SLC4A4: variants seen among roughly 807,000 people sequenced by gnomAD.
The protein encoded by SLC4A4 is solute carrier family 4 member 4.
SLC4A4 carries 27 observed loss-of-function variants against 111.5 expected under a neutral mutation model. The ratio of observed to expected loss-of-function variants is 0.24; its 90% confidence interval spans 0.18 to 0.33. The LOEUF (loss-of-function observed/expected upper bound fraction) is 0.33. SLC4A4 is among the 10% of genes least tolerant of loss of function. The pLI is 1.00. For missense variants in SLC4A4, 909 were observed against 1,315.5 expected (o/e 0.69, Z 4.78); for synonymous variants, 443 against 463.4 (o/e 0.96, Z 0.57).
At chr4:71,414,778 T>C (rs2149007011) in intron 7 of SLC4A4, among the ~76,000 whole-genome samples, 1 of 152,314 alleles carries the variant, frequency 6.6e-6, no homozygotes, top group Non-Finnish European at 1.5e-5. Flanking sequence ...AGCTGGAGTT[T>C]GTGGGGCAGA....
chr4:71,510,316 C>T (rs564693438), intron 16 of SLC4A4, among the ~76,000 whole-genome samples: 59 of 152,274 alleles, frequency 3.9e-4, no homozygotes, highest in Admixed American at 9.8e-4. Context: ...ACTGCTTCTC[C>T]GGATCTCTCC....
chr4:71,466,394 A>G (rs1438001801), intron 12 of SLC4A4, 50 bp from the exon 13 acceptor site: 14 of 1,609,300 alleles, frequency 8.7e-6, no homozygotes, highest in Non-Finnish European at 7.7e-6. Context: ...ATCACAAATG[A>G]GAAGAAAAAA....
chr4:71,549,178 T>C (rs1471094111), intron 20 of SLC4A4, among the ~76,000 whole-genome samples: 2 of 151,914 alleles, frequency 1.3e-5, no homozygotes, highest in Non-Finnish European at 2.9e-5. Context: ...CCTTTGCCAG[T>C]GCAAAGCAAG....
intron 14 of SLC4A4, among the ~76,000 whole-genome samples, chr4:71,482,593 T>C (rs1560547587): frequency 6.6e-6 from 1 of 151,608 alleles, no homozygotes. Context: ...AAAAGTGTGT[T>C]GCAAAAAGAC....
intron 2 of SLC4A4, among the ~76,000 whole-genome samples, chr4:71,098,263 A>C (rs1273674396): frequency 6.6e-6 from 1 of 152,158 alleles, no homozygotes; most frequent in Non-Finnish European, 1.5e-5. Flanking sequence ...TTATCCCAGC[A>C]CCATTTTATT....
intron 12 of SLC4A4, among the ~76,000 whole-genome samples, chr4:71,454,680 A>T (rs1726067192): frequency 6.6e-6 from 1 of 152,102 alleles, no homozygotes; most frequent in Admixed American, 6.6e-5. Flanking sequence ...ATCTATGTTG[A>T]CCTAAGTAAA....
At chr4:71,473,667 T>C (rs1417607209) in intron 14 of SLC4A4, among the ~76,000 whole-genome samples, 6 of 151,742 alleles carry the variant, frequency 4.0e-5, no homozygotes, top group African/African-American at 1.5e-4. Context: ...AAATCTATCA[T>C]ACCAAACATG....
At chr4:71,381,018 A>G (rs1008137887) in intron 6 of SLC4A4, among the ~76,000 whole-genome samples, 1 of 152,102 alleles carries the variant, frequency 6.6e-6, no homozygotes, top group African/African-American at 2.4e-5. Context: ...ATTCTTATCA[A>G]TCCCAGGAAA....
At chr4:71,365,733 G>T (rs1200556148) in intron 6 of SLC4A4, among the ~76,000 whole-genome samples, 1 of 151,992 alleles carries the variant, frequency 6.6e-6, no homozygotes, top group Non-Finnish European at 1.5e-5. Context: ...TCAAGATGTT[G>T]AACAAAGAAA....
intron 2 of SLC4A4, among the ~76,000 whole-genome samples, chr4:71,115,958 G>A (rs932149133): frequency 1.3e-5 from 2 of 152,068 alleles, no homozygotes; most frequent in East Asian, 1.9e-4. Flanking sequence ...GCAGTGGCAC[G>A]ATCTCGGCTC....
chr4:71,371,962 G>A (rs1279447395), intron 6 of SLC4A4, among the ~76,000 whole-genome samples: 1 of 152,164 alleles, frequency 6.6e-6, no homozygotes, highest in Non-Finnish European at 1.5e-5. Flanking sequence ...AGTGAATATG[G>A]TTTACTTGTA....
intron 6 of SLC4A4, among the ~76,000 whole-genome samples, chr4:71,364,549 T>A (rs1260725846): frequency 6.6e-6 from 1 of 152,174 alleles, no homozygotes. Context: ...CCTTTCCTCA[T>A]AGATGGTGCG....
At chr4:71,340,398 T>C (rs898253199) in intron 4 of SLC4A4, among the ~76,000 whole-genome samples, 1 of 152,216 alleles carries the variant, frequency 6.6e-6, no homozygotes, top group African/African-American at 2.4e-5. Context: ...TATTACAGTA[T>C]ATTGTTGTAT....
intron 3 of SLC4A4, among the ~76,000 whole-genome samples, chr4:71,295,815 T>A (rs1416740029): frequency 6.6e-6 from 1 of 152,028 alleles, no homozygotes; most frequent in East Asian, 1.9e-4. Context: ...CACACCACCA[T>A]GCCTGGCTAA....
At chr4:71,244,322 T>C (rs893276868) in intron 2 of SLC4A4, among the ~76,000 whole-genome samples, 1 of 152,192 alleles carries the variant, frequency 6.6e-6, no homozygotes, top group Admixed American at 6.5e-5. Flanking sequence ...AGGCAAATCA[T>C]TGTCATGTGG....
intron 18 of SLC4A4, among the ~76,000 whole-genome samples, chr4:71,544,823 G>T (rs1027576999): frequency 6.6e-6 from 1 of 151,924 alleles, no homozygotes; most frequent in Non-Finnish European, 1.5e-5. Context: ...TTTATTTATG[G>T]TATTCATTGT....
chr4:71,396,291 A>G (rs560151120), intron 6 of SLC4A4, among the ~76,000 whole-genome samples: 1 of 152,332 alleles, frequency 6.6e-6, no homozygotes, highest in Non-Finnish European at 1.5e-5. Context: ...AGAGTGGAAA[A>G]TATCCTGTCT....
At chr4:71,381,961 G>A (rs1718181494) in intron 6 of SLC4A4, among the ~76,000 whole-genome samples, 1 of 152,150 alleles carries the variant, frequency 6.6e-6, no homozygotes, top group African/African-American at 2.4e-5. Context: ...AGAGACCGTC[G>A]AGGAGGTCGT....
intron 3 of SLC4A4, among the ~76,000 whole-genome samples, chr4:71,338,290 G>C (rs1029763498): frequency 6.6e-6 from 1 of 152,074 alleles, no homozygotes; most frequent in Non-Finnish European, 1.5e-5. Context: ...TCAGATGGTA[G>C]GGATTTTTGG....
Sources: gnomAD v4.1 joint callset for allele counts (sites outside exome capture counted in the v4.1 genomes callset) on GRCh38, gnomAD v4.1.1 for gene constraint, MANE v1.5 for transcripts, NCBI Gene and HGNC (gene_info 2026-07-23, HGNC 2026-07-21) for gene names.